The following NOBOX variants were observed in gnomAD, a reference collection of about 807,000 sequenced individuals.
NOBOX encodes homeobox protein NOBOX.
A neutral mutation model predicts 60.2 loss-of-function variants in NOBOX; 46 were observed. The observed-to-expected ratio is 0.76, with a 90% CI of 0.60 to 0.98. NOBOX has a LOEUF of 0.98. Ranked by LOEUF, NOBOX falls within the 50% of genes least tolerant of loss-of-function variation. The pLI is 0.00. For missense variants in NOBOX, 880 were observed against 865.5 expected, an observed-to-expected ratio of 1.02 and a Z score of -0.21; for synonymous variants, 360 against 346.3, an observed-to-expected ratio of 1.04 and a Z score of -0.44.
intron 7 of NOBOX, 72 bp downstream of exon 5, chr7:144,399,325 C>T (rs896517113): frequency 5.1e-6 from 6 of 1,181,952 alleles, no homozygotes; most frequent in Non-Finnish European, 7.4e-6. Context: ...TCACTCCCAC[C>T]TCCATCAAAC....
Position 144,399,080 on chromosome 7 carries a change from G to T in NOBOX, c.1339C>A (p.Pro447Thr). The change falls in exon 8 of 10, where the codon CCT (proline) becomes ACT (threonine). Residue 447 changes from proline (P) to threonine (T), a missense_variant. Physicochemically the swap from Pro to Thr is conservative, Grantham distance 38. Transcript: ENST00000467773. ...AAAGGAAGATCGGCCCTTCGCACAG[G>T]TGGGGGGCTGAAGAGTGGGGGGGTC... 8.1e-7 allele frequency: 1 copy of T among 1,238,084 alleles called. No homozygotes were observed. The highest frequency in any genetic ancestry group is 1.2e-6 in the Non-Finnish European group (1 of 839,888). 76.7% of individuals were successfully genotyped at this position (1,238,084 alleles called of 1,614,324 possible). A position where few individuals can be genotyped will look rare whatever the true frequency, so the allele number is the denominator to read the frequency against.
chr7:144,400,549 TC>T (rs2053930222), intron 4 of NOBOX, among the ~76,000 whole-genome samples: 2 of 152,242 alleles, frequency 1.3e-5, no homozygotes, highest in Non-Finnish European at 2.9e-5. Flanking sequence ...TTTCTTTTTT[TC>T]TTTTTTAGAC....
chr7:144,398,625 G>T (rs763797238), intron 8 of NOBOX, 39 bp from the exon 7 acceptor site: 38 of 1,428,402 alleles, frequency 2.7e-5, no homozygotes, highest in Non-Finnish European at 3.4e-5. Context: ...GTGCAGGGGT[G>T]GGGGAGCTCC....
chr7:144,400,124 A>G lies in NOBOX; in HGVS notation c.1033T>C (p.Ser345Pro). Residue 345 changes from serine to proline, a missense_variant, in exon 5 of 10, where the codon TCA becomes CCA. Transcript: ENST00000467773. ...TCAGCTCCTACCCAGGCTACCGCTG[A>G]GCGCTCACTCTGCAATTCGAGTGTT... is the stretch of plus-strand genomic sequence containing the variant. The G allele has an allele frequency of 1.2e-6, 2 of 1,613,046 alleles. No homozygotes were observed. The highest frequency in any genetic ancestry group is 1.7e-6 in the Non-Finnish European group (2 of 1,179,884).
At chr7:144,403,005 C>T (rs540189582) in intron 2 of NOBOX, among the ~76,000 whole-genome samples, 4 of 152,136 alleles carry the variant, frequency 2.6e-5, no homozygotes, top group Non-Finnish European at 2.9e-5. Flanking sequence ...GGTCCACCAG[C>T]CTCGCCCTCC....
chr7:144,409,965 G>T (rs757650771), intron 1 of NOBOX, among the ~76,000 whole-genome samples: 1 of 152,152 alleles, frequency 6.6e-6, no homozygotes, highest in Non-Finnish European at 1.5e-5. Flanking sequence ...TGGTATCTTG[G>T]GTCTGTACCA....
At chr7:144,399,959 G>A in intron 5 of NOBOX, 96 bp from the exon 4 acceptor site, 1 of 1,281,828 alleles carries the variant, frequency 7.8e-7, no homozygotes, top group Admixed American at 2.0e-5. Flanking sequence ...GACTTTGGAA[G>A]GTCACTCCAG....
chr7:144,398,315 G>A lies in NOBOX; in HGVS notation c.1741C>T (p.Gln581Ter). The A allele has an allele frequency of 1.3e-6, 2 of 1,537,262 alleles. No homozygotes were observed. Among genetic ancestry groups the A allele is most frequent in the South Asian group, 2.4e-5 (2 of 84,054 alleles). ...CCAGCAGGTGGTTGCATCAGGATCT[G>A]TCCTGAGGAGGCACCTGGGCAATAG... The change falls in exon 9 of 10, where the codon CAG becomes TAG. Residue 581 changes from glutamine (Q) to a stop codon, truncating the protein, a stop_gained. Transcript: ENST00000467773. LOFTEE classifies it low-confidence loss of function (END_TRUNC).
Position 144,398,301 on chromosome 7 carries a change from T to C in NOBOX, c.1755A>G (p.Gln585=), listed in dbSNP as rs774643676. Residue 585 remains glutamine (Q), a synonymous_variant, in exon 9 of 10, where the codon CAA becomes CAG. Coordinates refer to ENST00000467773, the MANE Select transcript of NOBOX (RefSeq NM_001080413.3). ...ACTCACCTATATTCCCAGCAGGTGG[T>C]TGCATCAGGATCTGTCCTGAGGAGG... The C allele has an allele frequency of 5.2e-6, 8 of 1,537,142 alleles. No homozygotes were observed. Among genetic ancestry groups the C allele is most frequent in the Non-Finnish European group, 7.0e-6 (8 of 1,146,932 alleles).
intron 2 of NOBOX, chr7:144,404,530 T>G (rs1587095998): frequency 6.2e-7 from 1 of 1,600,778 alleles, no homozygotes; most frequent in Non-Finnish European, 8.5e-7. Flanking sequence ...ATTACAGGCG[T>G]GAGCCACAGC....
At position 144,398,525 on chromosome 7, in the gene NOBOX, T is replaced by A; in HGVS notation, c.1531A>T (p.Ser511Cys). 6.5e-7 allele frequency: 1 copy of A among 1,536,614 alleles called. No individual in the cohort carries two copies. The highest frequency in any genetic ancestry group is 8.7e-7 in the Non-Finnish European group (1 of 1,146,800). Residue 511 changes from serine (S) to cysteine (C), a missense_variant, in exon 9 of 10, where the codon AGC becomes TGC. Coordinates refer to ENST00000467773, the MANE Select transcript of NOBOX (RefSeq NM_001080413.3). ...AACTGGAAGGGTCCTGGCTGGTTGCTCTGTTGGTAATCCTGGGGCTCCAGC... is the reference window on the plus strand; with the variant it reads ...AACTGGAAGGGTCCTGGCTGGTTGCACTGTTGGTAATCCTGGGGCTCCAGC...
In NOBOX at chr7:144,404,627, C is replaced by A. The variant is rs780611966; in HGVS notation, c.139G>T (p.Gly47Ter). The change falls in exon 2 of 10, where the codon GGA becomes TGA. Residue 47 changes from glycine to a stop codon, truncating the protein, a stop_gained. Transcript: ENST00000467773. LOFTEE classifies it high-confidence loss of function. ...AAGGAGCTGAAAGAGCCACAGACTCCGTAGATCCGGTACAGTCCACACACA... is the reference window on the plus strand; with the variant it reads ...AAGGAGCTGAAAGAGCCACAGACTCAGTAGATCCGGTACAGTCCACACACA... 6.2e-7 allele frequency: 1 copy of A among 1,613,952 alleles called. No homozygotes were observed. The highest frequency in any genetic ancestry group is 8.5e-7 in the Non-Finnish European group (1 of 1,179,848).
rs1354512763 is a variant in NOBOX, at chr7:144,398,359, C to T, written c.1697G>A (p.Ser566Asn). 2 of 1,537,106 alleles carry T rather than the reference C, an allele frequency of 1.3e-6. No individual in the cohort carries two copies. The highest frequency in any genetic ancestry group is 4.9e-5 in the East Asian group (2 of 40,926). The change falls in exon 9 of 10, where the codon AGC (serine) becomes AAC (asparagine). Residue 566 changes from serine to asparagine, a missense_variant. Ser to Asn is a conservative substitution (Grantham distance 46, BLOSUM62 1). Transcript: ENST00000467773. Reference sequence around the variant, plus strand: ...GCAATAGCCCTGCGATGTGCCCCCGCTGGGGCCACAGGGAAACATAAAGAG... The same window carrying T: ...GCAATAGCCCTGCGATGTGCCCCCGTTGGGGCCACAGGGAAACATAAAGAG...
chr7:144,399,636 T>C (rs887824287), intron 6 of NOBOX, 121 bp downstream of exon 4: 19 of 1,142,174 alleles, frequency 1.7e-5, no homozygotes, highest in African/African-American at 1.4e-4. Flanking sequence ...CTCTAAATCT[T>C]AGCTGGCAAC....
At chr7:144,399,574 C>T in intron 6 of NOBOX, 92 bp from the exon 5 acceptor site, 2 of 1,224,018 alleles carry the variant, frequency 1.6e-6, no homozygotes, top group Non-Finnish European at 2.3e-6. Flanking sequence ...TTCCCAAACT[C>T]TGCCTCCTAC....
At chr7:144,397,621 C>T (rs954260571) in intron 9 of NOBOX, 80 bp from the exon 8 acceptor site, 5 of 1,246,990 alleles carry the variant, frequency 4.0e-6, no homozygotes, top group Non-Finnish European at 5.4e-6. Flanking sequence ...ACAACAGATC[C>T]CCCCGTGCCC....
chr7:144,400,823 C>T (rs900103610), intron 4 of NOBOX, among the ~76,000 whole-genome samples: 1 of 152,186 alleles, frequency 6.6e-6, no homozygotes, highest in African/African-American at 2.4e-5. Context: ...CAGGCATGAG[C>T]CACTGTGCCT....
chr7:144,402,818 G>C (rs1275991343), intron 2 of NOBOX, among the ~76,000 whole-genome samples: 1 of 130,418 alleles, frequency 7.7e-6, no homozygotes, highest in African/African-American at 2.9e-5. Flanking sequence ...GTGACATGGT[G>C]CAATTCTGGC....
At chr7:144,409,373 G>A (rs1279655180) in intron 1 of NOBOX, among the ~76,000 whole-genome samples, 3 of 152,162 alleles carry the variant, frequency 2.0e-5, no homozygotes, top group African/African-American at 7.2e-5. Flanking sequence ...GAAAAATGAA[G>A]AAGATGCTAT....
Sources: gnomAD v4.1 joint callset for allele counts (sites outside exome capture counted in the v4.1 genomes callset) on GRCh38, gnomAD v4.1.1 for gene constraint, MANE v1.5 for transcripts, NCBI Gene and HGNC (gene_info 2026-07-23, HGNC 2026-07-21) for gene names.